Variants in INSL6 observed in about 807,000 individuals in gnomAD.
INSL6 encodes the protein insulin-like peptide INSL6.
Under a neutral mutation model 9.4 loss-of-function variants are expected in INSL6, and 16 were observed. That is an observed-to-expected ratio of 1.70 (90% CI 1.15 to 2.59). INSL6 has a LOEUF of 2.59. INSL6 is among the 30% of genes most tolerant of loss of function. The pLI is 0.00. For missense variants in INSL6, 391 were observed against 257.3 expected, an observed-to-expected ratio of 1.52 and a Z score of -3.56; for synonymous variants, 154 against 96.9, an observed-to-expected ratio of 1.59 and a Z score of -3.46.
chr9:5,018,015 G>A, the INSL6 span, among the ~76,000 whole-genome samples: 1 of 152,088 alleles, frequency 6.6e-6, no homozygotes, highest in African/African-American at 2.4e-5. Context: ...TTTTGTAAGT[G>A]GCATGTAGTT....
chr9:5,120,132 T>C (rs1295007128), downstream of INSL6, among the ~76,000 whole-genome samples: 5 of 152,198 alleles, frequency 3.3e-5, no homozygotes, highest in Non-Finnish European at 5.9e-5. Flanking sequence ...GCTCTCTTCT[T>C]TCCAAGATGG....
chr9:5,106,863 C>G, the INSL6 span, among the ~76,000 whole-genome samples: 1 of 152,070 alleles, frequency 6.6e-6, no homozygotes, highest in African/African-American at 2.4e-5. Flanking sequence ...AACACTTGGA[C>G]ACATGGCAGG....
At chr9:5,037,663 C>T in the INSL6 span, among the ~76,000 whole-genome samples, 8 of 152,186 alleles carry the variant, frequency 5.3e-5, no homozygotes, top group African/African-American at 1.9e-4. Context: ...ACAATGAGAA[C>T]ACATGGACAC....
chr9:5,022,917 T>C, the INSL6 span, among the ~76,000 whole-genome samples: 1 of 152,240 alleles, frequency 6.6e-6, no homozygotes, highest in Admixed American at 6.5e-5. Context: ...ATGTCTAATA[T>C]AGTATTTATA....
the INSL6 span, among the ~76,000 whole-genome samples, chr9:5,069,692 C>T: frequency 1.3e-5 from 2 of 151,816 alleles, no homozygotes; most frequent in Non-Finnish European, 2.9e-5. Context: ...CATCAAAATC[C>T]AAATTACATT....
At chr9:5,044,917 C>G in the INSL6 span, among the ~76,000 whole-genome samples, 29 of 152,198 alleles carry the variant, frequency 1.9e-4, no homozygotes, top group African/African-American at 6.7e-4. Context: ...GGACAATGAA[C>G]TGTAGAGAAA....
chr9:5,164,617 T>C (rs527944656), intron 1 of INSL6, among the ~76,000 whole-genome samples: 16 of 152,316 alleles, frequency 1.1e-4, no homozygotes, highest in Admixed American at 9.8e-4. Context: ...AAGAAACCTA[T>C]GCCCATTAGC....
At chr9:5,108,925 G>A in the INSL6 span, 8 of 152,082 alleles carry the variant, frequency 5.3e-5, no homozygotes, top group Non-Finnish European at 8.8e-5. Context: ...AACTACGAGT[G>A]AGTCCAAAAC....
chr9:5,017,779 A>G, the INSL6 span, among the ~76,000 whole-genome samples: 1 of 152,218 alleles, frequency 6.6e-6, no homozygotes, highest in East Asian at 1.9e-4. Context: ...GCAGTTTTAT[A>G]TCTGTTACAG....
At chr9:5,088,845 T>C in the INSL6 span, among the ~76,000 whole-genome samples, 2 of 151,964 alleles carry the variant, frequency 1.3e-5, no homozygotes, top group African/African-American at 4.8e-5. Flanking sequence ...TCCACCCTTA[T>C]AACCTAATTT....
chr9:5,094,346 T>C, the INSL6 span: 5 of 152,396 alleles, frequency 3.3e-5, no homozygotes, highest in African/African-American at 1.2e-4. Context: ...CCCCTTCCTA[T>C]ACCCCATCCC....
At chr9:5,085,795 G>A in the INSL6 span, 3 of 754,934 alleles carry the variant, frequency 4.0e-6, no homozygotes, top group Admixed American at 3.5e-5. Context: ...TTACATGCTC[G>A]GGCCATTAGT....
the INSL6 span, among the ~76,000 whole-genome samples, chr9:4,999,344 T>C: frequency 6.6e-6 from 1 of 152,232 alleles, no homozygotes; most frequent in African/African-American, 2.4e-5. Flanking sequence ...GTATTTTATA[T>C]ACTGTTTTAA....
At chr9:5,074,861 C>A in the INSL6 span, among the ~76,000 whole-genome samples, 1 of 152,140 alleles carries the variant, frequency 6.6e-6, no homozygotes, top group East Asian at 1.9e-4. Flanking sequence ...ATGCTGAAAG[C>A]CAAGACAAGC....
chr9:5,044,561 A>C, the INSL6 span: 1 of 1,225,292 alleles, frequency 8.2e-7, no homozygotes, highest in Non-Finnish European at 1.2e-6. Context: ...GTTAAATGAT[A>C]AATATCTTGC....
chr9:5,072,954 G>GAA, the INSL6 span, among the ~76,000 whole-genome samples: 118 of 149,332 alleles, frequency 7.9e-4, no homozygotes, highest in African/African-American at 2.6e-3. Context: ...ACATTTATTT[G>GAA]AAAAAAAAAC....
chr9:5,032,587 C>T, the INSL6 span, among the ~76,000 whole-genome samples: 1 of 152,220 alleles, frequency 6.6e-6, no homozygotes, highest in South Asian at 2.1e-4. Flanking sequence ...TTGCTGCTCA[C>T]CAATATCCGC....
At chr9:5,081,873 G>C in the INSL6 span, 1 of 1,605,414 alleles carries the variant, frequency 6.2e-7, no homozygotes, top group Non-Finnish European at 8.5e-7. Flanking sequence ...TAAATTGTCA[G>C]AATTTTTTCA....
the INSL6 span, chr9:5,097,015 A>T: frequency 6.6e-6 from 1 of 152,090 alleles, no homozygotes; most frequent in African/African-American, 2.4e-5. Flanking sequence ...TGCATCCTCA[A>T]TAGAAGCCGG....
Sources: allele counts gnomAD v4.1 joint callset (sites outside exome capture counted in the v4.1 genomes callset), GRCh38; gene constraint gnomAD v4.1.1; transcripts MANE v1.5; gene names NCBI Gene and HGNC (gene_info 2026-07-23, HGNC 2026-07-21).